The following CDC42BPA variants were observed in gnomAD, a reference collection of about 807,000 sequenced individuals.
CDC42BPA encodes the protein CDC42 binding protein kinase alpha.
A neutral mutation model predicts 223.5 loss-of-function variants in CDC42BPA; 80 were observed. The observed-to-expected ratio is 0.36, with a 90% CI of 0.30 to 0.43. CDC42BPA has a LOEUF of 0.43. Among genes scored for constraint, CDC42BPA ranks in the 20% least tolerant of loss-of-function variants. CDC42BPA has a pLI of 1.00. For missense variants in CDC42BPA, 1,743 were observed against 2,099.9 expected, an observed-to-expected ratio of 0.83 and a Z score of 3.32; for synonymous variants, 694 against 718.6, an observed-to-expected ratio of 0.97 and a Z score of 0.55.
chr1:227,284,217 A>C (rs936656833), intron 1 of CDC42BPA, among the ~76,000 whole-genome samples: 1 of 152,194 alleles, frequency 6.6e-6, no homozygotes, highest in African/African-American at 2.4e-5. Context: ...ATATTTTATA[A>C]CTAAAAATAT....
rs546475574 is a variant in CDC42BPA, at chr1:226,994,542, A to G, written c.5134-143T>C. ...TCACTGTCGGTATAAAGCCCCTTCT[A>G]TGAGCTGAGGAAGAGGCACGGAACA... On this transcript the variant is annotated intron_variant, in intron 36 of 36. Transcript: ENST00000366766. The surrounding 1 kb of genome is among the most constrained non-coding windows in gnomAD (Gnocchi z 4.0). 1.0e-6 allele frequency: 1 copy of G among 974,664 alleles called. No homozygotes were observed. The highest frequency in any genetic ancestry group is 1.5e-6 in the Non-Finnish European group (1 of 682,854). The allele number at this position is 974,664 out of a possible 1,614,324, so 60.4% of individuals were successfully genotyped here.
intron 1 of CDC42BPA, chr1:227,265,251 C>A: frequency 1.8e-6 from 1 of 542,888 alleles, no homozygotes; most frequent in Non-Finnish European, 3.3e-6. Context: ...GTTTGATTGC[C>A]GCTTAGTAGC....
At chr1:227,308,284 T>C (rs1248644696) in intron 1 of CDC42BPA, among the ~76,000 whole-genome samples, 2 of 152,054 alleles carry the variant, frequency 1.3e-5, no homozygotes, top group Admixed American at 1.3e-4. Flanking sequence ...GCCCGGTGGA[T>C]TGCCTGAGTT....
At chr1:227,020,504 T>C (rs917737498) in intron 32 of CDC42BPA, among the ~76,000 whole-genome samples, 3 of 152,258 alleles carry the variant, frequency 2.0e-5, no homozygotes, top group African/African-American at 7.2e-5. Context: ...TTTTATGTTA[T>C]GGAGATGGCT....
rs185132252 is a variant in CDC42BPA at position 227,001,577 on chromosome 1, C to T, written c.4975+3417G>A. 4.0e-3 allele frequency among the ~76,000 whole-genome samples: 609 copies of T among 152,262 alleles called. 17 individuals carry two copies. The highest frequency in any genetic ancestry group is 0.035 in the Admixed American group (537 of 15,294). On this transcript the variant is annotated intron_variant, in intron 35 of 36. Coordinates refer to ENST00000366766, the MANE Select transcript of CDC42BPA (RefSeq NM_001394014.1). ...AAGTGCTGAAAACCAAAAGTTTTTT[C>T]ACAAGCTTGATGCAAATTCATGTGA...
intron 29 of CDC42BPA, among the ~76,000 whole-genome samples, chr1:227,029,812 A>G (rs1668922795): frequency 6.6e-6 from 1 of 152,176 alleles, no homozygotes; most frequent in African/African-American, 2.4e-5. Flanking sequence ...ATCAAGTTGT[A>G]TATATTTTTT....
At chr1:227,211,978 G>C (rs1673997817) in intron 3 of CDC42BPA, among the ~76,000 whole-genome samples, 3 of 152,286 alleles carry the variant, frequency 2.0e-5, no homozygotes, top group Admixed American at 6.5e-5. Context: ...CTGGGAGTTA[G>C]AGAAAGGATG....
intron 34 of CDC42BPA, among the ~76,000 whole-genome samples, chr1:227,005,563 CA>C (rs1663855316): frequency 6.6e-6 from 1 of 152,070 alleles, no homozygotes; most frequent in African/African-American, 2.4e-5. Flanking sequence ...GATGTGATAC[CA>C]AATGTGCCAT....
chr1:227,173,197 CAG>C (rs1666387751), intron 5 of CDC42BPA, among the ~76,000 whole-genome samples: 1 of 152,164 alleles, frequency 6.6e-6, no homozygotes, highest in South Asian at 2.1e-4. Context: ...CTCCAAATGA[CAG>C]ATACATTCAA....
chr1:227,194,938 C>T (rs1050032431), intron 4 of CDC42BPA, among the ~76,000 whole-genome samples: 2 of 149,746 alleles, frequency 1.3e-5, no homozygotes, highest in East Asian at 2.0e-4. Context: ...CACATGAATG[C>T]CTTGAAATTA....
chr1:227,246,453 C>T (rs1680974543), intron 2 of CDC42BPA, among the ~76,000 whole-genome samples: 1 of 152,182 alleles, frequency 6.6e-6, no homozygotes, highest in Non-Finnish European at 1.5e-5. Flanking sequence ...TGACCCAGCA[C>T]AGTCCCAGTG....
chr1:227,036,184 C>CT (rs1670187787), intron 24 of CDC42BPA, among the ~76,000 whole-genome samples: 1 of 152,140 alleles, frequency 6.6e-6, no homozygotes, highest in African/African-American at 2.4e-5. Flanking sequence ...CTATAACAAT[C>CT]TAAGAGAGGT....
intron 1 of CDC42BPA, among the ~76,000 whole-genome samples, chr1:227,312,497 T>C (rs1693701222): frequency 6.6e-6 from 1 of 152,194 alleles, no homozygotes; most frequent in South Asian, 2.1e-4. Context: ...AATAAATATA[T>C]GTCTAAAATT....
At chr1:227,188,133 T>C (rs1669132701) in intron 5 of CDC42BPA, among the ~76,000 whole-genome samples, 1 of 152,148 alleles carries the variant, frequency 6.6e-6, no homozygotes, top group Admixed American at 6.5e-5. Context: ...TATTTTTAAT[T>C]AGTCTAAAAG....
At chr1:227,203,182 T>C (rs114815641) in intron 3 of CDC42BPA, among the ~76,000 whole-genome samples, 2,382 of 152,266 alleles carry the variant, frequency 0.016, 66 homozygotes, top group African/African-American at 0.053. Flanking sequence ...ATTTTATCCA[T>C]AAATATCTAG....
intron 2 of CDC42BPA, among the ~76,000 whole-genome samples, chr1:227,216,402 G>A (rs1403843830): frequency 6.6e-6 from 1 of 152,164 alleles, no homozygotes; most frequent in Non-Finnish European, 1.5e-5. Flanking sequence ...CCATGCTGCT[G>A]CAGGGTGGAA....
chr1:227,012,584 A>G (rs1464094643), intron 34 of CDC42BPA, among the ~76,000 whole-genome samples: 1 of 152,188 alleles, frequency 6.6e-6, no homozygotes, highest in African/African-American at 2.4e-5. Context: ...TAAGTATTTC[A>G]CAGGAAAGCA....
At chr1:227,021,132 G>A (rs962422634) in intron 32 of CDC42BPA, among the ~76,000 whole-genome samples, 1 of 152,122 alleles carries the variant, frequency 6.6e-6, no homozygotes, top group Non-Finnish European at 1.5e-5. Context: ...ACAGATCACC[G>A]TAACAGACAG....
In CDC42BPA at chr1:227,112,185, T is replaced by C. The variant is rs1373159833; in HGVS notation, c.2001+127A>G. The C allele has an allele frequency of 1.0e-5, 5 of 491,970 alleles. No homozygotes were observed. The Admixed American group carries it at 1.4e-4, about 14-fold the overall frequency. 30.5% of individuals were successfully genotyped at this position (491,970 alleles called of 1,614,324 possible). ...TTCCTACTGGTAAGAACGAGAATTA[T>C]GAATAGTAGGTTTGAAGAAAGGCTA... On this transcript the variant is annotated intron_variant, in intron 14 of 36. Coordinates refer to ENST00000366766, the MANE Select transcript of CDC42BPA (RefSeq NM_001394014.1).
Sources: gnomAD v4.1 joint callset for allele counts (sites outside exome capture counted in the v4.1 genomes callset) on GRCh38, gnomAD v4.1.1 for gene constraint, Gnocchi (gnomAD v3.1) non-coding constraint, MANE v1.5 for transcripts, NCBI Gene and HGNC (gene_info 2026-07-23, HGNC 2026-07-21) for gene names.